The following METTL2B variants were observed in gnomAD, a reference collection of about 807,000 sequenced individuals.
METTL2B encodes the protein methyltransferase 2B, tRNA N3-cytidine.
METTL2B carries 28 observed loss-of-function variants against 51.0 expected under a neutral mutation model. That is an observed-to-expected ratio of 0.55 (90% CI 0.41 to 0.75). The LOEUF (loss-of-function observed/expected upper bound fraction) is 0.75, where lower values mean the gene tolerates loss of function less well. Ranked by LOEUF, METTL2B falls within the 30% of genes least tolerant of loss-of-function variation. The pLI is 0.00. For missense variants in METTL2B, 313 were observed against 460.7 expected, an observed-to-expected ratio of 0.68 and a Z score of 2.93; for synonymous variants, 128 against 166.3, an observed-to-expected ratio of 0.77 and a Z score of 1.77.
chr7:128,496,426 C>A (rs1792923855), intron 6 of METTL2B, among the ~76,000 whole-genome samples: 1 of 152,080 alleles, frequency 6.6e-6, no homozygotes, highest in South Asian at 2.1e-4. Context: ...TATTTGTAGT[C>A]CCAGCTACTC....
chr7:128,490,241 T>TGAAA lies in METTL2B; in HGVS notation c.669+2100_669+2103dup, dbSNP rs527471572. Among the ~76,000 whole-genome samples the TGAAA allele has an allele frequency of 7.4e-4, 112 of 151,720 alleles. 1 individual carries two copies. Among genetic ancestry groups the TGAAA allele is most frequent in the Admixed American group, 3.0e-3 (45 of 15,230 alleles). ...ACTCCTTATAGATAAGGATGCTGGT[T>TGAAA]GAAAGAAAGAAAGAAAGAAAGAATA... On this transcript the variant is annotated intron_variant, in intron 5 of 8. Coordinates refer to ENST00000262432, the MANE Select transcript of METTL2B (RefSeq NM_018396.3).
At position 128,493,849 on chromosome 7, in the gene METTL2B, G is replaced by A. The variant is rs150648939; in HGVS notation, c.715G>A (p.Asp239Asn). The change falls in exon 6 of 9, where the codon GAC becomes AAC. Residue 239 changes from aspartate to asparagine, a missense_variant. Coordinates refer to ENST00000262432, the MANE Select transcript of METTL2B (RefSeq NM_018396.3). ...DPSRCFAFVH[D>N]LCDEEKSYPV... ...TTCTCGGTGTTTTGCCTTTGTTCACGACCTGTGTGATGAAGAGAAGAGTTA... is the reference window on the plus strand; with the variant it reads ...TTCTCGGTGTTTTGCCTTTGTTCACAACCTGTGTGATGAAGAGAAGAGTTA... 608 of 1,612,116 alleles carry A rather than the reference G, an allele frequency of 3.8e-4. No homozygotes were observed. Among genetic ancestry groups the A allele is most frequent in the African/African-American group, 1.0e-3 (78 of 74,734 alleles).
chr7:128,495,807 C>A (rs1375796097), intron 6 of METTL2B, among the ~76,000 whole-genome samples: 1 of 152,078 alleles, frequency 6.6e-6, no homozygotes, highest in Admixed American at 6.6e-5. Context: ...ATTCAGATAC[C>A]GTGGACTAAT....
chr7:128,485,043 C>G (rs1205154946), intron 4 of METTL2B, among the ~76,000 whole-genome samples: 6 of 152,108 alleles, frequency 3.9e-5, no homozygotes, highest in African/African-American at 1.4e-4. Context: ...CACTACTCTA[C>G]AAATGCACAA....
chr7:128,484,218 T>TTTTTTTTTTGTTGTTTTG (rs1554428812), intron 4 of METTL2B: 1 of 42,188 alleles, frequency 2.4e-5, no homozygotes, highest in African/African-American at 1.1e-4. Flanking sequence ...GCCTAGATCC[T>TTTTTTTTTTGTTGTTTTG]TTTTTTTTTT....
At chr7:128,480,768 G>A (rs994353439) in intron 4 of METTL2B, 72 bp downstream of exon 4, 23 of 1,429,274 alleles carry the variant, frequency 1.6e-5, no homozygotes, top group African/African-American at 8.6e-5. Context: ...ATTGCTTCAC[G>A]ACAGTAATCC....
chr7:128,500,911 C>T lies in METTL2B; in HGVS notation c.925C>T (p.Leu309=). 1.2e-6 allele frequency: 2 copies of T among 1,614,112 alleles called. No individual in the cohort carries two copies. Among genetic ancestry groups the T allele is most frequent in the Non-Finnish European group, 1.7e-6 (2 of 1,179,976 alleles). ...AQLRFKKGQC[L]SGNFYVRGDG... is the part of the protein sequence containing the mutation. ...AATACATCACTCTGCAGGTCAGTGT[C>T]TATCTGGAAATTTCTATGTGAGAGG... Residue 309 remains leucine, a synonymous_variant, in exon 8 of 9, where the codon CTA becomes TTA. Transcript: ENST00000262432.
chr7:128,493,847 A>G lies in METTL2B; in HGVS notation c.713A>G (p.His238Arg). Reference protein sequence around the residue: ...YDPSRCFAFVHDLCDEEKSYP... With the variant: ...YDPSRCFAFVRDLCDEEKSYP... ...CCTTCTCGGTGTTTTGCCTTTGTTCACGACCTGTGTGATGAAGAGAAGAGT... is the reference window on the plus strand; with the variant it reads ...CCTTCTCGGTGTTTTGCCTTTGTTCGCGACCTGTGTGATGAAGAGAAGAGT... The change falls in exon 6 of 9, where the codon CAC becomes CGC. Residue 238 changes from histidine (H) to arginine (R), a missense_variant. This residue lies in a region of METTL2B where 138 missense variants were observed against 187.6 expected (regional missense o/e 0.74). Transcript: ENST00000262432. 1.9e-6 allele frequency: 3 copies of G among 1,612,564 alleles called. No individual in the cohort carries two copies. The highest frequency in any genetic ancestry group is 2.5e-6 in the Non-Finnish European group (3 of 1,179,660).
intron 8 of METTL2B, chr7:128,501,216 A>G (rs1793024416): frequency 1.0e-6 from 1 of 985,326 alleles, no homozygotes; most frequent in Non-Finnish European, 1.2e-6. Context: ...GCCACTGTCC[A>G]AAATGGGAAG....
Position 128,501,958 on chromosome 7 carries a change from C to T in METTL2B, c.*42C>T, listed in dbSNP as rs746777920. On this transcript the variant is annotated 3_prime_UTR_variant, in exon 9 of 9. Transcript: ENST00000262432. The stretch of plus-strand genomic sequence containing the variant: ...ACACGATGCAAGCCCGTTGTGTTTC[C>T]GAGCTTTTTTAAAAAAAAATTTGTA... 8.1e-6 allele frequency: 13 copies of T among 1,604,878 alleles called. No homozygotes were observed. The highest frequency in any genetic ancestry group is 3.3e-5 in the South Asian group (3 of 90,382).
At position 128,502,733 on chromosome 7, in the gene METTL2B, T is replaced by A; in HGVS notation, c.*817T>A. 3 of 358,622 alleles carry A rather than the reference T, an allele frequency of 8.4e-6. No homozygotes were observed. Among genetic ancestry groups the A allele is most frequent in the South Asian group, 6.0e-5 (3 of 49,994 alleles). 22.2% of individuals were successfully genotyped at this position (358,622 alleles called of 1,614,324 possible). ...GGCCAACATGGTGAAACCCCGTCTC[T>A]ACTAAAGATAAAAAAATTAGCTGGG... On this transcript the variant is annotated 3_prime_UTR_variant, in exon 9 of 9. Coordinates refer to ENST00000262432, the MANE Select transcript of METTL2B (RefSeq NM_018396.3).
chr7:128,488,033 A>G (rs571295044), intron 4 of METTL2B, 68 bp from the exon 5 acceptor site: 3 of 1,209,794 alleles, frequency 2.5e-6, no homozygotes, highest in South Asian at 2.8e-5. Context: ...TAACTGTGCT[A>G]CACAAGAATG....
intron 4 of METTL2B, chr7:128,484,232 T>TTTTTTGTTTTGTTTTTTTTTTGTTG (rs71160654): frequency 1.2e-5 from 1 of 83,558 alleles, no homozygotes; most frequent in African/African-American, 5.0e-5. Context: ...TTTTTTTTTT[T>TTTTTTGTTTTGTTTTTTTTTTGTTG]TTTTTTTTTT....
chr7:128,500,645 T>C (rs1232756339), intron 7 of METTL2B, among the ~76,000 whole-genome samples: 1 of 128,046 alleles, frequency 7.8e-6, no homozygotes, highest in African/African-American at 2.6e-5. Context: ...AAATAAAAAG[T>C]TTGTGCTGTT....
chr7:128,483,427 CCT>C (rs2116845426), intron 4 of METTL2B: 1 of 152,600 alleles, frequency 6.6e-6, no homozygotes, highest in East Asian at 1.9e-4. Context: ...CATGTCTTCC[CCT>C]GACTCCGTAC....
intron 4 of METTL2B, among the ~76,000 whole-genome samples, chr7:128,487,520 CCTTGTGCTGAGA>C: frequency 6.6e-6 from 1 of 152,224 alleles, no homozygotes; most frequent in South Asian, 2.1e-4. Context: ...TGTGTTGCTA[CCTTGTGCTGAGA>C]CTTGTGCTAG....
intron 4 of METTL2B, among the ~76,000 whole-genome samples, chr7:128,482,530 C>T (rs911950656): frequency 6.6e-6 from 1 of 152,016 alleles, no homozygotes; most frequent in Non-Finnish European, 1.5e-5. Context: ...ATTTATTATA[C>T]CATACCTGTT....
At chr7:128,488,057 C>T (rs974729321) in intron 4 of METTL2B, 44 bp from the exon 5 acceptor site, 2 of 1,124,814 alleles carry the variant, frequency 1.8e-6, no homozygotes, top group Non-Finnish European at 2.5e-6. Flanking sequence ...GTAGACATAG[C>T]TCGATTTGTA....
At chr7:128,499,952 C>T (rs1792999188) in intron 7 of METTL2B, among the ~76,000 whole-genome samples, 2 of 152,168 alleles carry the variant, frequency 1.3e-5, no homozygotes, top group African/African-American at 4.8e-5. Context: ...AGGGAGATGT[C>T]GTGCTTGTCA....
Sources: allele counts gnomAD v4.1 joint callset (sites outside exome capture counted in the v4.1 genomes callset), GRCh38; gene constraint gnomAD v4.1.1; regional missense constraint gnomAD v4.1.1; transcripts MANE v1.5; gene names NCBI Gene and HGNC (gene_info 2026-07-23, HGNC 2026-07-21).